JUND: variants seen among roughly 807,000 people sequenced by gnomAD.
The protein encoded by JUND is transcription factor JunD.
JUND carries 2 observed loss-of-function variants against 7.1 expected under a neutral mutation model. The observed-to-expected ratio is 0.28, with a 90% confidence interval of 0.11 to 0.88. The LOEUF is 0.88. Ranked by LOEUF, JUND falls within the 40% of genes least tolerant of loss-of-function variation. The pLI, the probability that JUND is intolerant of heterozygous loss-of-function variation, is 0.60. For missense variants in JUND, 479 were observed against 519.1 expected (o/e 0.92, Z 0.75); for synonymous variants, 335 against 263.2 (o/e 1.27, Z -2.64).
Position 18,280,747 on chromosome 19 carries a change from C to A in JUND, c.738G>T (p.Val246=), listed in dbSNP as rs1358548102. ...TCTCGCCGAAGCTCGGCACGTCGGG[C>A]ACCGTCTGTGGCTCGTCCTTGAGCG... ...LAALKDEPQT[V]PDVPSFGESP... Residue 246 remains valine, a synonymous_variant, in exon 1 of 1, where the codon GTG becomes GTT. Coordinates refer to ENST00000252818, the MANE Select transcript of JUND (RefSeq NM_005354.6). This position sits in a 1 kb window ranked among gnomAD's most constrained non-coding sequence, Gnocchi z 4.1. 1 of 1,606,740 alleles carries A rather than the reference C, an allele frequency of 6.2e-7. No individual in the cohort carries two copies. Among genetic ancestry groups the A allele is most frequent in the African/African-American group, 1.3e-5 (1 of 74,872 alleles).
chr19:18,281,097 C>G lies in JUND; in HGVS notation c.388G>C (p.Ala130Pro). Residue 130 changes from alanine to proline, a missense_variant, in exon 1 of 1, where the codon GCC becomes CCC. This residue lies in a region of JUND where 374 missense variants were observed against 365.4 expected (regional missense o/e 1.02). Coordinates refer to ENST00000252818, the MANE Select transcript of JUND (RefSeq NM_005354.6). ...TCGGCGAACTCCTGCTCCTCGCTGG[C>G]CGCCACCTTGGGGTAGAGGAACTGT... ...SSQFLYPKVA[A>P]SEEQEFAEGF... is the part of the protein sequence containing the mutation. The G allele has an allele frequency of 6.3e-7, 1 of 1,580,116 alleles. No individual in the cohort carries two copies.
chr19:18,281,266 C>A lies in JUND; in HGVS notation c.219G>T (p.Leu73=). The A allele has an allele frequency of 6.8e-7, 1 of 1,460,362 alleles. No homozygotes were observed. Among genetic ancestry groups the A allele is most frequent in the Non-Finnish European group, 9.0e-7 (1 of 1,111,162 alleles). 90.5% of individuals were successfully genotyped at this position (1,460,362 alleles called of 1,614,324 possible). A position where few individuals can be genotyped will look rare whatever the true frequency, so the allele number is the denominator to read the frequency against. ...KPAAAPPPTP[L]RADGAPSAAP... ...CCGCGCTGGGGGCGCCGTCGGCGCG[C>A]AGGGGGGTAGGAGGCGGCGCGGCCG... The change falls in exon 1 of 1, where the codon CTG becomes CTT. Residue 73 remains leucine (L), a synonymous_variant. Coordinates refer to ENST00000252818, the MANE Select transcript of JUND (RefSeq NM_005354.6).
chr19:18,281,002 G>GGCGGCA lies in JUND; in HGVS notation c.477_482dup (p.Ala165_Ala166dup), dbSNP rs767170221. On this transcript the variant is annotated inframe_insertion, in exon 1 of 1. Transcript: ENST00000252818. ...AGGGCCCCCCGGCGGCGGCGGCGGCGGCGGCAGCGGCCGCGCCCGCGCCGA... is the reference window on the plus strand; with the variant it reads ...AGGGCCCCCCGGCGGCGGCGGCGGCGGCGGCAGCGGCAGCGGCCGCGCCCGCGCCGA... 9 of 1,242,874 alleles carry GGCGGCA rather than the reference G, an allele frequency of 7.2e-6. No homozygotes were observed. Among genetic ancestry groups the GGCGGCA allele is most frequent in the East Asian group, 3.4e-5 (1 of 29,296 alleles). The allele number at this position is 1,242,874 out of a possible 1,614,324, so 77.0% of individuals were successfully genotyped here. A position where few individuals can be genotyped will look rare whatever the true frequency, so the allele number is the denominator to read the frequency against.
Position 18,281,166 on chromosome 19 carries a change from T to A in JUND, c.319A>T (p.Ile107Phe). The A allele has an allele frequency of 6.4e-7, 1 of 1,567,042 alleles. No homozygotes were observed. Among genetic ancestry groups the A allele is most frequent in the Non-Finnish European group, 8.6e-7 (1 of 1,165,116 alleles). The change falls in exon 1 of 1, where the codon ATC becomes TTC. Residue 107 changes from isoleucine to phenylalanine, a missense_variant. Coordinates refer to ENST00000252818, the MANE Select transcript of JUND (RefSeq NM_005354.6). ...KLASPELERL[I>F]IQSNGLVTTT... ...GTGACCAGCCCGTTGGACTGGATGA[T>A]GAGGCGCTCGAGCTCGGGGGAGGCC...
rs1292070305 is a variant in JUND, at chr19:18,280,645, G to A, written c.840C>T (p.Ile280=). Residue 280 remains isoleucine (I), a synonymous_variant, in exon 1 of 1, where the codon ATC becomes ATT. Coordinates refer to ENST00000252818, the MANE Select transcript of JUND (RefSeq NM_005354.6). This position sits in a 1 kb window ranked among gnomAD's most constrained non-coding sequence, Gnocchi z 4.1. Reference sequence around the variant, plus strand: ...TGCGCTTGCGGCACTTGGAGGCGGCGATGCGGTTGCGCAGCCGCTTGCGCT... The same window carrying A: ...TGCGCTTGCGGCACTTGGAGGCGGCAATGCGGTTGCGCAGCCGCTTGCGCT... ...KAERKRLRNR[I]AASKCRKRKL... The A allele has an allele frequency of 6.2e-7, 1 of 1,612,716 alleles. No homozygotes were observed. Among genetic ancestry groups the A allele is most frequent in the South Asian group, 1.1e-5 (1 of 91,064 alleles).
At position 18,280,452 on chromosome 19, in the gene JUND, G is replaced by T; in HGVS notation, c.1033C>A (p.Pro345Thr). The change falls in exon 1 of 1, where the codon CCC becomes ACC. Residue 345 changes from proline to threonine, a missense_variant. This residue lies in a region of JUND where 42 missense variants were observed against 37.1 expected (regional missense o/e 1.13). Transcript: ENST00000252818. This position sits in a 1 kb window ranked among gnomAD's most constrained non-coding sequence, Gnocchi z 4.1. ...CCCCGCGCGCGGACTCAGTACGCGGGCACCTGGTGCTGGGGCAGCAGCTGG... is the reference window on the plus strand; with the variant it reads ...CCCCGCGCGCGGACTCAGTACGCGGTCACCTGGTGCTGGGGCAGCAGCTGG... Reference protein sequence around the residue: ...GCQLLPQHQVPAY With the variant: ...GCQLLPQHQVTAY The T allele has an allele frequency of 6.4e-7, 1 of 1,557,834 alleles. No homozygotes were observed. Among genetic ancestry groups the T allele is most frequent in the Non-Finnish European group, 8.7e-7 (1 of 1,151,846 alleles).
Position 18,281,464 on chromosome 19 carries a change from G to A in JUND, c.21C>T (p.Gly7=), listed in dbSNP as rs1236668959. The A allele has an allele frequency of 2.2e-6, 3 of 1,357,430 alleles. No homozygotes were observed. Among genetic ancestry groups the A allele is most frequent in the Non-Finnish European group, 2.8e-6 (3 of 1,058,204 alleles). The allele number at this position is 1,357,430 out of a possible 1,614,324, so 84.1% of individuals were successfully genotyped here. The change falls in exon 1 of 1, where the codon GGC becomes GGT. Residue 7 remains glycine (G), a synonymous_variant. Transcript: ENST00000252818. METPFY[G]DEALSGLGGG... is the part of the protein sequence containing the mutation. Reference sequence around the variant, plus strand: ...CGCCCAGGCCGCTCAGCGCCTCATCGCCGTAGAAGGGTGTTTCCATCCTCC... The same window carrying A: ...CGCCCAGGCCGCTCAGCGCCTCATCACCGTAGAAGGGTGTTTCCATCCTCC...
In JUND at chr19:18,280,237, G is replaced by C; in HGVS notation, c.*204C>G. On this transcript the variant is annotated 3_prime_UTR_variant, in exon 1 of 1. Transcript: ENST00000252818. The surrounding 1 kb of genome is among the most constrained non-coding windows in gnomAD (Gnocchi z 4.1). ...GGGGGTCATGCGCTCGCCCCCCCGG[G>C]AGCAGGGGGTCCAGCTTGTCGAGTC... 1 of 195,120 alleles carries C rather than the reference G, an allele frequency of 5.1e-6. No individual in the cohort carries two copies. The highest frequency in any genetic ancestry group is 8.9e-6 in the Non-Finnish European group (1 of 112,502). 12.1% of individuals were successfully genotyped at this position (195,120 alleles called of 1,614,324 possible).
In JUND at chr19:18,280,053, G is replaced by GGA. The variant is rs755920352; in HGVS notation, c.*387_*388insTC. The GGA allele has an allele frequency of 6.3e-5, 13 of 205,556 alleles. No homozygotes were observed. The highest frequency in any genetic ancestry group is 1.1e-4 in the South Asian group (2 of 18,436). 12.7% of individuals were successfully genotyped at this position (205,556 alleles called of 1,614,324 possible). ...ACACTCTGTTCTTCTCTCTTCCAAAGAAAAAAAAAAAAAAGTAAAAGTAAA... is the reference window on the plus strand; with the variant it reads ...ACACTCTGTTCTTCTCTCTTCCAAAGGAAAAAAAAAAAAAAAGTAAAAGTAAA... On this transcript the variant is annotated 3_prime_UTR_variant, in exon 1 of 1. Transcript: ENST00000252818. The surrounding 1 kb of genome is among the most constrained non-coding windows in gnomAD (Gnocchi z 4.1).
chr19:18,281,602 C>T lies in JUND; in HGVS notation c.-118G>A, dbSNP rs1046457144. On this transcript the variant is annotated 5_prime_UTR_variant, in exon 1 of 1. Coordinates refer to ENST00000252818, the MANE Select transcript of JUND (RefSeq NM_005354.6). Reference sequence around the variant, plus strand: ...CCCGGCCGCGGCCGCAGCGCCCGGCCCTCCACTGGCGGCGGCTCCTGCGCC... The same window carrying T: ...CCCGGCCGCGGCCGCAGCGCCCGGCTCTCCACTGGCGGCGGCTCCTGCGCC... 2.5e-4 allele frequency: 54 copies of T among 219,398 alleles called. No individual in the cohort carries two copies. Among genetic ancestry groups the T allele is most frequent in the South Asian group, 1.6e-3 (10 of 6,286 alleles). The allele number at this position is 219,398 out of a possible 1,614,324, so 13.6% of individuals were successfully genotyped here. A position where few individuals can be genotyped will look rare whatever the true frequency, so the allele number is the denominator to read the frequency against.
At position 18,281,354 on chromosome 19, in the gene JUND, A is replaced by C; in HGVS notation, c.131T>G (p.Met44Arg). The change falls in exon 1 of 1, where the codon ATG (methionine) becomes AGG (arginine). Residue 44 changes from methionine (M) to arginine (R), a missense_variant. Transcript: ENST00000252818. ...CAGCGTCAGCGCGTCCTTCTTCATCATGCTGCCGGCCGCGGCCGTCGGGGG... is the reference window on the plus strand; with the variant it reads ...CAGCGTCAGCGCGTCCTTCTTCATCCTGCTGCCGGCCGCGGCCGTCGGGGG... ...GAPPTAAAGS[M>R]MKKDALTLSL... The C allele has an allele frequency of 7.5e-7, 1 of 1,337,912 alleles. No individual in the cohort carries two copies. The highest frequency in any genetic ancestry group is 9.5e-7 in the Non-Finnish European group (1 of 1,053,764). 82.9% of individuals were successfully genotyped at this position (1,337,912 alleles called of 1,614,324 possible).
Position 18,280,818 on chromosome 19 carries a change from G to A in JUND, c.667C>T (p.Pro223Ser), listed in dbSNP as rs746004129. The A allele has an allele frequency of 1.1e-5, 17 of 1,550,716 alleles. No homozygotes were observed. In the Admixed American group the frequency reaches 2.3e-4, roughly 21 times the overall value. Residue 223 changes from proline (P) to serine (S), a missense_variant, in exon 1 of 1, where the codon CCG becomes TCG. Pro to Ser is a moderately conservative substitution (Grantham distance 74, BLOSUM62 -1). Coordinates refer to ENST00000252818, the MANE Select transcript of JUND (RefSeq NM_005354.6). This position sits in a 1 kb window ranked among gnomAD's most constrained non-coding sequence, Gnocchi z 4.1. ...VAFAAEPVPF[P>S]PPPPPGALGP... Reference sequence around the variant, plus strand: ...AACGCGCCTGGGGGTGGCGGCGGCGGGAAGGGCACAGGTTCGGCAGCGAAG... The same window carrying A: ...AACGCGCCTGGGGGTGGCGGCGGCGAGAAGGGCACAGGTTCGGCAGCGAAG...
Position 18,281,530 on chromosome 19 carries a change from C to T in JUND, c.-46G>A, listed in dbSNP as rs1299424812. 9.3e-7 allele frequency: 1 copy of T among 1,080,998 alleles called. No individual in the cohort carries two copies. The highest frequency in any genetic ancestry group is 1.2e-6 in the Non-Finnish European group (1 of 866,750). 67.0% of individuals were successfully genotyped at this position (1,080,998 alleles called of 1,614,324 possible). On this transcript the variant is annotated 5_prime_UTR_variant, in exon 1 of 1. Coordinates refer to ENST00000252818, the MANE Select transcript of JUND (RefSeq NM_005354.6). ...CCGGCCCGGGGGGGAGTGGCCGCGG[C>T]CTCCCGGGGGGCCCGCGCCCCCCCG... is the stretch of plus-strand genomic sequence containing the variant.
chr19:18,281,278 A>G lies in JUND; in HGVS notation c.207T>C (p.Pro69=). ...CGCCGTCGGCGCGCAGGGGGGTAGG[A>G]GGCGGCGCGGCCGCAGGCTTGAGCG... ...AAALKPAAAP[P]PTPLRADGAP... Residue 69 remains proline, a synonymous_variant, in exon 1 of 1, where the codon CCT becomes CCC. Transcript: ENST00000252818. 3.5e-6 allele frequency: 5 copies of G among 1,421,692 alleles called. No individual in the cohort carries two copies. The highest frequency in any genetic ancestry group is 4.6e-6 in the Non-Finnish European group (5 of 1,096,110). 88.1% of individuals were successfully genotyped at this position (1,421,692 alleles called of 1,614,324 possible).
chr19:18,281,156 G>T lies in JUND; in HGVS notation c.329C>A (p.Ser110Tyr). 6.4e-7 allele frequency: 1 copy of T among 1,573,676 alleles called. No homozygotes were observed. The change falls in exon 1 of 1, where the codon TCC (serine) becomes TAC (tyrosine). Residue 110 changes from serine to tyrosine, a missense_variant. Physicochemically the swap from Ser to Tyr is moderately radical, Grantham distance 144 (BLOSUM62 -2). Transcript: ENST00000252818. ...CGGCGTGGTGGTGACCAGCCCGTTG[G>T]ACTGGATGATGAGGCGCTCGAGCTC... Reference protein sequence around the residue: ...SPELERLIIQSNGLVTTTPTS... With the variant: ...SPELERLIIQYNGLVTTTPTS...
chr19:18,281,440 GC>G lies in JUND; in HGVS notation c.44del (p.Gly15AlafsTer30), dbSNP rs1969948166. On this transcript the variant is annotated frameshift_variant, in exon 1 of 1. Coordinates refer to ENST00000252818, the MANE Select transcript of JUND (RefSeq NM_005354.6). LOFTEE classifies it low-confidence loss of function (END_TRUNC). Reference sequence around the variant, plus strand: ...TGCCGCCGCTGCCACTGGCGCCGCCGCCCAGGCCGCTCAGCGCCTCATCGCC... The same window carrying G: ...TGCCGCCGCTGCCACTGGCGCCGCCGCCAGGCCGCTCAGCGCCTCATCGCC... ...FYGDEALSGL[G>X]GGASGSGGSF... The G allele has an allele frequency of 7.3e-7, 1 of 1,368,004 alleles. No individual in the cohort carries two copies. The highest frequency in any genetic ancestry group is 9.4e-7 in the Non-Finnish European group (1 of 1,064,902). The allele number at this position is 1,368,004 out of a possible 1,614,324, so 84.7% of individuals were successfully genotyped here.
In JUND at chr19:18,279,948, TA is replaced by T. The variant is rs1254251034; in HGVS notation, c.*492del. On this transcript the variant is annotated 3_prime_UTR_variant, in exon 1 of 1. Coordinates refer to ENST00000252818, the MANE Select transcript of JUND (RefSeq NM_005354.6). ...TTTTTTTTTCTTCTTCCCATTTCTT[TA>T]AAAAACCAACACAAGAAAACACACA... 1 of 153,686 alleles carries T rather than the reference TA, an allele frequency of 6.5e-6. No homozygotes were observed. Among genetic ancestry groups the T allele is most frequent in the Non-Finnish European group, 1.4e-5 (1 of 69,082 alleles). The allele number at this position is 153,686 out of a possible 1,614,324, so 9.5% of individuals were successfully genotyped here.
chr19:18,281,398 G>T lies in JUND; in HGVS notation c.87C>A (p.Gly29=). 7.4e-7 allele frequency: 1 copy of T among 1,349,174 alleles called. No homozygotes were observed. Among genetic ancestry groups the T allele is most frequent in the East Asian group, 3.1e-5 (1 of 32,164 alleles). 83.6% of individuals were successfully genotyped at this position (1,349,174 alleles called of 1,614,324 possible). A position where few individuals can be genotyped will look rare whatever the true frequency, so the allele number is the denominator to read the frequency against. The stretch of plus-strand genomic sequence containing the variant: ...TCGGGGGCGCCCCGGGGAACAAGCG[G>T]CCCGGGGACGCGAAGCTGCCGCCGC... ...SGSGGSFASP[G]RLFPGAPPTA... The change falls in exon 1 of 1, where the codon GGC becomes GGA. Residue 29 remains glycine (G), a synonymous_variant. Coordinates refer to ENST00000252818, the MANE Select transcript of JUND (RefSeq NM_005354.6).
In JUND at chr19:18,280,107, C is replaced by A; in HGVS notation, c.*334G>T. The A allele has an allele frequency of 6.5e-6, 2 of 308,266 alleles. No individual in the cohort carries two copies. Among genetic ancestry groups the A allele is most frequent in the Non-Finnish European group, 1.2e-5 (2 of 165,388 alleles). 19.1% of individuals were successfully genotyped at this position (308,266 alleles called of 1,614,324 possible). On this transcript the variant is annotated 3_prime_UTR_variant, in exon 1 of 1. Transcript: ENST00000252818. This position sits in a 1 kb window ranked among gnomAD's most constrained non-coding sequence, Gnocchi z 4.1. ...AAGGCAGGGTTTGAGGCTGCGCCCC[C>A]TCGGAGCCCCCTTCCGCGGCGCGGT...
Sources: gnomAD v4.1 joint callset for allele counts on GRCh38, gnomAD v4.1.1 for gene constraint, gnomAD v4.1.1 regional missense constraint, Gnocchi (gnomAD v3.1) non-coding constraint, MANE v1.5 for transcripts, NCBI Gene and HGNC (gene_info 2026-07-23, HGNC 2026-07-21) for gene names.